The following HPR variants were observed in gnomAD, a reference collection of about 807,000 sequenced individuals.
The protein encoded by HPR is Haptoglobin-related locus.
HPR carries 17 observed loss-of-function variants against 18.5 expected under a neutral mutation model. That is an observed-to-expected ratio of 0.92 (90% confidence interval 0.63 to 1.38). HPR has a LOEUF of 1.38. Among genes scored for constraint, HPR ranks in the 40% most tolerant of loss-of-function variants. The pLI is 0.00. For missense variants in HPR, 457 were observed against 432.4 expected (o/e 1.06, Z -0.51); for synonymous variants, 176 against 165.0 (o/e 1.07, Z -0.51).
Position 72,076,963 on chromosome 16 carries a change from C to T in HPR, c.929C>T (p.Thr310Ile), listed in dbSNP as rs772833825. Residue 310 changes from threonine (T) to isoleucine (I), a missense_variant, in exon 5 of 5, where the codon ACC (threonine) becomes ATC (isoleucine). Transcript: ENST00000540303. ...GCCGTTCACGACCTGGAGGAGGACA[C>T]CTGGTACGCGGCTGGGATCCTAAGC... is the stretch of plus-strand genomic sequence containing the variant. ...AFAVHDLEED[T>I]WYAAGILSFD... The T allele has an allele frequency of 1.9e-6, 3 of 1,614,222 alleles. No homozygotes were observed. The highest frequency in any genetic ancestry group is 3.3e-5 in the Admixed American group (2 of 60,034).
chr16:72,073,487 C>G (rs935671590), intron 1 of HPR, among the ~76,000 whole-genome samples: 4 of 152,082 alleles, frequency 2.6e-5, no homozygotes, highest in African/African-American at 9.7e-5. Context: ...TTAGAAGTAT[C>G]TTTGGGGTGA....
chr16:72,074,780 T>C (rs541136015), intron 3 of HPR: 11 of 673,242 alleles, frequency 1.6e-5, no homozygotes, highest in Non-Finnish European at 3.0e-5. Context: ...TCCCACTGAA[T>C]AGAGGTTATT....
intron 1 of HPR, among the ~76,000 whole-genome samples, chr16:72,070,025 C>A (rs1469069091): frequency 6.6e-6 from 1 of 152,168 alleles, no homozygotes; most frequent in East Asian, 1.9e-4. Flanking sequence ...AGGTACTAGA[C>A]ATAAAATGGA....
At chr16:72,069,756 AAG>A (rs2041636006) in intron 1 of HPR, among the ~76,000 whole-genome samples, 1 of 152,206 alleles carries the variant, frequency 6.6e-6, no homozygotes, top group Non-Finnish European at 1.5e-5. Context: ...CCCTTGGAGA[AAG>A]AGATTCAGGG....
In HPR at chr16:72,075,218, A is replaced by G; in HGVS notation, c.267A>G (p.Ala89=). Residue 89 remains alanine, a splice_region_variant and synonymous_variant, in exon 4 of 5, where the codon GCA becomes GCG. Transcript: ENST00000540303. ...GAGATAAACTTCCTGAATGTGAAGC[A>G]GGTGGGTGCTGAGCACTGAGCACTT... ...AVGDKLPECE[A]VCGKPKNPAN... 2.1e-6 allele frequency: 3 copies of G among 1,452,842 alleles called. No individual in the cohort carries two copies. Among genetic ancestry groups the G allele is most frequent in the Non-Finnish European group, 2.8e-6 (3 of 1,058,410 alleles). The allele number at this position is 1,452,842 out of a possible 1,614,324, so 90.0% of individuals were successfully genotyped here.
At chr16:72,071,199 C>A (rs2041651867) in intron 1 of HPR, among the ~76,000 whole-genome samples, 1 of 152,182 alleles carries the variant, frequency 6.6e-6, no homozygotes. Flanking sequence ...CTCCTCCCAT[C>A]TCCAAAACAA....
chr16:72,074,179 TAGA>T (rs2041690727), intron 2 of HPR, 102 bp from the exon 3 acceptor site: 4 of 1,262,160 alleles, frequency 3.2e-6, no homozygotes, highest in African/African-American at 1.4e-5. Context: ...CTATTTGGGG[TAGA>T]AGGAGATTGA....
intron 1 of HPR, among the ~76,000 whole-genome samples, chr16:72,072,046 T>C (rs2041662686): frequency 6.6e-6 from 1 of 152,202 alleles, no homozygotes; most frequent in South Asian, 2.1e-4. Flanking sequence ...TTTGCTCTTG[T>C]TGCCCAGGCT....
chr16:72,073,678 C>T (rs2041680851), intron 1 of HPR: 13 of 1,442,194 alleles, frequency 9.0e-6, no homozygotes, highest in East Asian at 2.9e-5. Context: ...GCAGCTAAAG[C>T]GTGTATGTGG....
chr16:72,066,782 T>C (rs2041602704), intron 1 of HPR, among the ~76,000 whole-genome samples: 1 of 152,092 alleles, frequency 6.6e-6, no homozygotes, highest in African/African-American at 2.4e-5. Context: ...AGAGAACTTC[T>C]CAGAGAAGCT....
chr16:72,072,079 G>A (rs1425334007), intron 1 of HPR, among the ~76,000 whole-genome samples: 19 of 152,050 alleles, frequency 1.2e-4, no homozygotes, highest in Admixed American at 1.2e-3. Context: ...CATGATCTCG[G>A]CTCACCACAA....
At chr16:72,068,453 A>C (rs937110790) in intron 1 of HPR, among the ~76,000 whole-genome samples, 8 of 152,172 alleles carry the variant, frequency 5.3e-5, no homozygotes, top group Non-Finnish European at 1.0e-4. Flanking sequence ...TATACCAAAA[A>C]CTTGCCCAGG....
intron 1 of HPR, among the ~76,000 whole-genome samples, chr16:72,064,543 C>G (rs1482954831): frequency 6.6e-6 from 1 of 152,210 alleles, no homozygotes; most frequent in Non-Finnish European, 1.5e-5. Flanking sequence ...TGCAAGTTAG[C>G]CAACCGGGTT....
In HPR at chr16:72,075,812, C is replaced by G. The variant is rs193140997; in HGVS notation, c.269-491C>G. ...GATGATGAATTATTGTAGCTCCTAG[C>G]CCTTTCTTTTTTCTTTCTTTCTTTT... On this transcript the variant is annotated intron_variant, in intron 4 of 4. Transcript: ENST00000540303. Among the ~76,000 whole-genome samples the G allele has an allele frequency of 9.9e-5, 15 of 152,054 alleles. 1 individual carries two copies. Among genetic ancestry groups the G allele is most frequent in the African/African-American group, 3.4e-4 (14 of 41,542 alleles).
chr16:72,076,857 A>G lies in HPR; in HGVS notation c.823A>G (p.Ile275Val), dbSNP rs199986081. 38 of 1,614,144 alleles carry G rather than the reference A, an allele frequency of 2.4e-5. No individual in the cohort carries two copies. Among genetic ancestry groups the G allele is most frequent in the Non-Finnish European group, 3.0e-5 (35 of 1,180,052 alleles). ...APKSPVGVQP[I>V]LNEHTFCVGM... ...GAAGAGCCCTGTAGGGGTGCAGCCCATACTGAACGAACACACCTTCTGTGT... is the reference window on the plus strand; with the variant it reads ...GAAGAGCCCTGTAGGGGTGCAGCCCGTACTGAACGAACACACCTTCTGTGT... The change falls in exon 5 of 5, where the codon ATA becomes GTA. Residue 275 changes from isoleucine to valine, a missense_variant. By Grantham distance (29) the Ile-to-Val change is conservative. Transcript: ENST00000540303.
chr16:72,068,634 C>T (rs2041622509), intron 1 of HPR, among the ~76,000 whole-genome samples: 1 of 152,182 alleles, frequency 6.6e-6, no homozygotes, highest in South Asian at 2.1e-4. Flanking sequence ...TCCAAGAGCA[C>T]AGAGGCTGCT....
In HPR at chr16:72,063,249, A is replaced by G; in HGVS notation, c.-7A>G. 1.3e-6 allele frequency: 2 copies of G among 1,593,148 alleles called. No homozygotes were observed. Among genetic ancestry groups the G allele is most frequent in the Non-Finnish European group, 1.7e-6 (2 of 1,168,336 alleles). On this transcript the variant is annotated 5_prime_UTR_variant, in exon 1 of 5. Transcript: ENST00000540303. The stretch of plus-strand genomic sequence containing the variant: ...GCACTGCTCTTCCAGAGGCAAGACC[A>G]ACCAAGATGAGGTGGGTCCACAGCT...
Position 72,063,951 on chromosome 16 carries a change from C to T in HPR, c.5+691C>T, listed in dbSNP as rs528514808. The stretch of plus-strand genomic sequence containing the variant: ...AGCGATGTGGTTCACCATGTTGGCC[C>T]GGATGATCTCGATCTCTTGACCTCG... On this transcript the variant is annotated intron_variant, in intron 1 of 4. Transcript: ENST00000540303. 4.6e-5 allele frequency among the ~76,000 whole-genome samples: 7 copies of T among 152,200 alleles called. No individual in the cohort carries two copies. The South Asian group carries it at 8.3e-4, about 18-fold the overall frequency.
rs2041692167 is a variant in HPR at position 72,074,285 on chromosome 16, T to C, written c.93T>C (p.Asp31=). 1.2e-6 allele frequency: 2 copies of C among 1,613,536 alleles called. No homozygotes were observed. Among genetic ancestry groups the C allele is most frequent in the Non-Finnish European group, 8.5e-7 (1 of 1,179,606 alleles). ...YSGNDVTDIS[D]DRFPKPPEIA... The stretch of plus-strand genomic sequence containing the variant: ...TCTCTGGCTTCTCTCTCTTTGCAGA[T>C]GACCGCTTCCCGAAGCCCCCTGAGA... Residue 31 remains aspartate (D), a splice_region_variant and synonymous_variant, in exon 3 of 5, where the codon GAT becomes GAC. Transcript: ENST00000540303.
Sources: allele counts gnomAD v4.1 joint callset (sites outside exome capture counted in the v4.1 genomes callset), GRCh38; gene constraint gnomAD v4.1.1; transcripts MANE v1.5; gene names NCBI Gene and HGNC (gene_info 2026-07-23, HGNC 2026-07-21).